The following FBXW8 variants were observed in gnomAD, a reference collection of about 807,000 sequenced individuals.
The protein encoded by FBXW8 is F-box/WD repeat-containing protein 8.
In FBXW8, 57 loss-of-function variants were observed where a neutral mutation model predicts 65.3. The observed-to-expected ratio is 0.87, with a 90% CI of 0.71 to 1.09. The LOEUF is 1.09. FBXW8 is among the 50% of genes least tolerant of loss of function. The pLI is 0.00. For synonymous variants in FBXW8, 308 were observed against 330.2 expected (o/e 0.93, Z 0.73); for missense variants, 777 against 814.8 (o/e 0.95, Z 0.57).
intron 5 of FBXW8, among the ~76,000 whole-genome samples, chr12:116,965,775 T>C (rs529309483): frequency 2.9e-4 from 44 of 152,144 alleles, no homozygotes; most frequent in Non-Finnish European, 6.0e-4. Flanking sequence ...CTATATATAT[T>C]TGAGACAGGG....
At chr12:116,938,717 C>T (rs569258241) in intron 2 of FBXW8, among the ~76,000 whole-genome samples, 1 of 152,216 alleles carries the variant, frequency 6.6e-6, no homozygotes, top group Admixed American at 6.5e-5. Flanking sequence ...AATCATTGAG[C>T]ACTGCCTTTG....
Position 117,024,224 on chromosome 12 carries a change from A to C in FBXW8, c.1445A>C (p.Gln482Pro). Reference protein sequence around the residue: ...SAHQLRVSAVQMDDWKIVSGG... With the variant: ...SAHQLRVSAVPMDDWKIVSGG... ...CATCAGCTCAGGGTCTCTGCTGTGCAGATGGATGACTGGAAGATCGTCAGT... is the reference window on the plus strand; with the variant it reads ...CATCAGCTCAGGGTCTCTGCTGTGCCGATGGATGACTGGAAGATCGTCAGT... Residue 482 changes from glutamine to proline, a missense_variant, in exon 9 of 11, where the codon CAG becomes CCG. Gln to Pro is a moderately conservative substitution (Grantham distance 76). Transcript: ENST00000652555. The C allele has an allele frequency of 6.2e-7, 1 of 1,614,204 alleles. No homozygotes were observed. Among genetic ancestry groups the C allele is most frequent in the Non-Finnish European group, 8.5e-7 (1 of 1,180,042 alleles).
intron 5 of FBXW8, among the ~76,000 whole-genome samples, chr12:116,983,855 T>G (rs1182040770): frequency 6.6e-6 from 1 of 152,222 alleles, no homozygotes; most frequent in Non-Finnish European, 1.5e-5. Context: ...CCGGTCTCCT[T>G]TCATCTGCCT....
rs747619166 is a variant in FBXW8 at position 116,988,615 on chromosome 12, C to G, written c.1033-48C>G. On this transcript the variant is annotated intron_variant, in intron 6 of 10. Transcript: ENST00000652555. ...GTAGGTGGAATTGCATATTTTTGAT[C>G]AAGTCAGGATGAATTTATGGGACTA... 8 of 1,555,548 alleles carry G rather than the reference C, an allele frequency of 5.1e-6. No homozygotes were observed. In the South Asian group the frequency reaches 5.6e-5, roughly 11 times the overall value.
At chr12:116,999,925 C>T (rs1156788038) in intron 7 of FBXW8, among the ~76,000 whole-genome samples, 2 of 151,992 alleles carry the variant, frequency 1.3e-5, no homozygotes, top group Non-Finnish European at 2.9e-5. Context: ...ATCTGCCTCT[C>T]ATTGAGCATC....
At chr12:116,959,798 T>A (rs1199521881) in intron 4 of FBXW8, among the ~76,000 whole-genome samples, 1 of 152,196 alleles carries the variant, frequency 6.6e-6, no homozygotes, top group Non-Finnish European at 1.5e-5. Context: ...AAAAATCAGC[T>A]ATGGTCTCTG....
chr12:116,978,738 C>T (rs913987973), intron 5 of FBXW8: 10 of 152,100 alleles, frequency 6.6e-5, no homozygotes, highest in South Asian at 2.1e-4. Flanking sequence ...TATGACCTTT[C>T]GAAACTGTTA....
At chr12:116,978,329 C>T (rs964007583) in intron 5 of FBXW8, 25 of 152,204 alleles carry the variant, frequency 1.6e-4, no homozygotes, top group African/African-American at 5.3e-4. Flanking sequence ...AGTTTTATGT[C>T]TCTGGCCTGC....
chr12:116,947,099 T>G (rs553307294), intron 3 of FBXW8, among the ~76,000 whole-genome samples: 86 of 152,282 alleles, frequency 5.6e-4, no homozygotes, highest in African/African-American at 2.0e-3. Context: ...TTGTTGGGCC[T>G]GGAGGTGGCA....
At position 117,017,678 on chromosome 12, in the gene FBXW8, A is replaced by T. The variant is rs146753683; in HGVS notation, c.1368-6469A>T. ...CTATTTTTAAAATTAATTTGGTCAT[A>T]AAAAAAGCCTACATTGTAATACCTT... On this transcript the variant is annotated intron_variant, in intron 8 of 10. Coordinates refer to ENST00000652555, the MANE Select transcript of FBXW8 (RefSeq NM_153348.3). 3.5e-4 allele frequency among the ~76,000 whole-genome samples: 54 copies of T among 152,274 alleles called. 1 individual carries two copies. In the East Asian group the frequency reaches 6.7e-3, roughly 19 times the overall value.
chr12:116,989,193 T>G (rs1430576122), intron 7 of FBXW8, among the ~76,000 whole-genome samples: 1 of 152,218 alleles, frequency 6.6e-6, no homozygotes, highest in African/African-American at 2.4e-5. Flanking sequence ...TACATAGTGT[T>G]CTGTACCCAA....
intron 7 of FBXW8, among the ~76,000 whole-genome samples, chr12:117,000,733 T>C (rs1330104576): frequency 6.6e-6 from 1 of 152,194 alleles, no homozygotes; most frequent in Non-Finnish European, 1.5e-5. Flanking sequence ...CATATTCTCC[T>C]GTGTAAAGGG....
rs770300279 is a variant in FBXW8, at chr12:117,010,445, C to T, written c.1362C>T (p.Asp454=). 6.3e-5 allele frequency: 102 copies of T among 1,614,196 alleles called. No homozygotes were observed. In the East Asian group the frequency reaches 1.4e-3, roughly 22 times the overall value. ...PPNLMVSGNM[D]GRVRIHDLRS... ...ACCTCATGGTCAGTGGCAACATGGA[C>T]GGGAGGTACGTGAGTTGGAAGGGCA... Residue 454 remains aspartate, a synonymous_variant, in exon 8 of 11, where the codon GAC becomes GAT. Transcript: ENST00000652555.
chr12:117,016,556 C>T (rs1414682711), intron 8 of FBXW8, among the ~76,000 whole-genome samples: 1 of 152,002 alleles, frequency 6.6e-6, no homozygotes, highest in African/African-American at 2.4e-5. Context: ...ATATTTTCTC[C>T]CATTCTGTGG....
At chr12:116,954,849 G>A (rs924552711) in intron 4 of FBXW8, among the ~76,000 whole-genome samples, 5 of 152,052 alleles carry the variant, frequency 3.3e-5, no homozygotes, top group African/African-American at 9.7e-5. Flanking sequence ...GTGAGAGCCC[G>A]TGCCTCCTGC....
At chr12:117,019,413 C>T (rs1442921323) in intron 8 of FBXW8, among the ~76,000 whole-genome samples, 3 of 152,162 alleles carry the variant, frequency 2.0e-5, no homozygotes, top group Non-Finnish European at 2.9e-5. Flanking sequence ...CAACTTGTCC[C>T]TGGAATCGGT....
At chr12:116,976,657 C>A (rs1342129850) in intron 5 of FBXW8, among the ~76,000 whole-genome samples, 1 of 148,292 alleles carries the variant, frequency 6.7e-6, no homozygotes, top group Non-Finnish European at 1.5e-5. Flanking sequence ...TTAGAGATGG[C>A]GTTTCACCCT....
chr12:116,911,462 G>GA, intron 1 of FBXW8, 107 bp downstream of exon 1: 1 of 765,032 alleles, frequency 1.3e-6, no homozygotes, highest in Non-Finnish European at 1.8e-6. Flanking sequence ...AGTTGCCCGA[G>GA]AAAATGAGTA....
rs780366773 is a variant in FBXW8 at position 116,945,455 on chromosome 12, C to CT, written c.516dup (p.Asp173Ter). On this transcript the variant is annotated frameshift_variant, in exon 3 of 11. Coordinates refer to ENST00000652555, the MANE Select transcript of FBXW8 (RefSeq NM_153348.3). LOFTEE classifies it high-confidence loss of function. ...GGGCACCTTCCGGATAGCAGCATCT[C>CT]TGACTATTCTTGCTGGAAGCTCATC... 43 of 1,614,182 alleles carry CT rather than the reference C, an allele frequency of 2.7e-5. No homozygotes were observed. The highest frequency in any genetic ancestry group is 3.6e-5 in the Non-Finnish European group (42 of 1,180,028).
Sources: gnomAD v4.1 joint callset for allele counts (sites outside exome capture counted in the v4.1 genomes callset) on GRCh38, gnomAD v4.1.1 for gene constraint, MANE v1.5 for transcripts, NCBI Gene and HGNC (gene_info 2026-07-23, HGNC 2026-07-21) for gene names.